CALN1: variants seen among roughly 807,000 people sequenced by gnomAD.
CALN1 encodes the protein calneuron 1, also known as calcium-binding protein 8.
Under a neutral mutation model 30.6 loss-of-function variants are expected in CALN1, and 17 were observed. That is an observed-to-expected ratio of 0.56 (90% confidence interval 0.38 to 0.83). The LOEUF (loss-of-function observed/expected upper bound fraction) is 0.83, where lower values mean the gene tolerates loss of function less well. Ranked by LOEUF, CALN1 falls within the 40% of genes least tolerant of loss-of-function variation. The pLI is 0.00. For synonymous variants in CALN1, 156 were observed against 131.4 expected (o/e 1.19, Z -1.28); for missense variants, 291 against 354.9 (o/e 0.82, Z 1.45).
intron 2 of CALN1, among the ~76,000 whole-genome samples, chr7:72,395,141 T>C (rs1351068303): frequency 6.6e-6 from 1 of 152,194 alleles, no homozygotes; most frequent in Non-Finnish European, 1.5e-5. Context: ...GAAAGGATTA[T>C]TCACCTTTTT....
chr7:71,979,852 TCA>T (rs1798297989), intron 5 of CALN1, among the ~76,000 whole-genome samples: 1 of 146,358 alleles, frequency 6.8e-6, no homozygotes, highest in Non-Finnish European at 1.5e-5. Context: ...GTATAAAATC[TCA>T]GACACATCAG....
At chr7:72,225,888 G>T (rs1793636563) in intron 3 of CALN1, among the ~76,000 whole-genome samples, 1 of 152,050 alleles carries the variant, frequency 6.6e-6, no homozygotes, top group Non-Finnish European at 1.5e-5. Flanking sequence ...ATGAGGTCAA[G>T]AGATCAAAAC....
chr7:72,362,414 C>T (rs961070316), intron 2 of CALN1, among the ~76,000 whole-genome samples: 1 of 152,130 alleles, frequency 6.6e-6, no homozygotes, highest in Non-Finnish European at 1.5e-5. Flanking sequence ...AGTCTCCATC[C>T]TCTCTCTACC....
chr7:72,079,761 C>CTTTTTTTTTTTTTTTTTTTTTTTTTTT (rs3065015), intron 4 of CALN1, among the ~76,000 whole-genome samples: 2 of 104,038 alleles, frequency 1.9e-5, no homozygotes, highest in Non-Finnish European at 3.7e-5. Context: ...TGCCTTTTTC[C>CTTTTTTTTTTTTTTTTTTTTTTTTTTT]TTTTTTTTTT....
chr7:71,829,074 A>G lies in CALN1; in HGVS notation c.502-18582T>C, dbSNP rs138880284. Among the ~76,000 whole-genome samples the G allele has an allele frequency of 4.6e-5, 7 of 152,092 alleles. No homozygotes were observed. In the East Asian group the frequency reaches 5.8e-4, roughly 13 times the overall value. ...ATATTGATTGATATCTCACCTCCCT[A>G]AAGTGTATAAAACCAAGCTGTGCCC... On this transcript the variant is annotated intron_variant, in intron 5 of 6. Coordinates refer to ENST00000395275, the MANE Select transcript of CALN1 (RefSeq NM_031468.4).
At chr7:71,817,094 A>G (rs533019423) in intron 5 of CALN1, among the ~76,000 whole-genome samples, 1 of 152,064 alleles carries the variant, frequency 6.6e-6, no homozygotes, top group Admixed American at 6.6e-5. Flanking sequence ...TATTGTCAAT[A>G]TCTGTCTTTC....
Position 72,268,798 on chromosome 7 carries a change from C to CACACAA in CALN1, c.244+9887_244+9888insTTGTGT, listed in dbSNP as rs543448886. On this transcript the variant is annotated intron_variant, in intron 3 of 6. Coordinates refer to ENST00000395275, the MANE Select transcript of CALN1 (RefSeq NM_031468.4). ...GGCAACAGAGCAAGACCCTGCCACA[C>CACACAA]ACACACACACACACACACACACACA... 4.0e-3 allele frequency among the ~76,000 whole-genome samples: 579 copies of CACACAA among 145,256 alleles called. 1 individual carries two copies. Among genetic ancestry groups the CACACAA allele is most frequent in the African/African-American group, 6.5e-3 (249 of 38,126 alleles).
At chr7:72,267,088 G>T (rs892375304) in intron 3 of CALN1, among the ~76,000 whole-genome samples, 1 of 152,198 alleles carries the variant, frequency 6.6e-6, no homozygotes, top group Non-Finnish European at 1.5e-5. Flanking sequence ...TCAGATAAGA[G>T]TTGTGAGCTT....
intron 3 of CALN1, among the ~76,000 whole-genome samples, chr7:72,210,103 A>G (rs1218354939): frequency 6.6e-6 from 1 of 152,052 alleles, no homozygotes; most frequent in African/African-American, 2.4e-5. Flanking sequence ...TCCTATGAAG[A>G]AGGACAACTG....
At chr7:72,242,881 C>T (rs1310148372) in intron 3 of CALN1, among the ~76,000 whole-genome samples, 1 of 151,988 alleles carries the variant, frequency 6.6e-6, no homozygotes, top group Non-Finnish European at 1.5e-5. Flanking sequence ...GAGCAAGAAT[C>T]CAACTCAAAA....
chr7:72,360,706 C>T (rs561437711), intron 2 of CALN1, among the ~76,000 whole-genome samples: 1 of 148,386 alleles, frequency 6.7e-6, no homozygotes, highest in South Asian at 2.2e-4. Context: ...CAAACCTGCA[C>T]GTTGTGCACG....
intron 2 of CALN1, among the ~76,000 whole-genome samples, chr7:72,349,829 G>A (rs1230739016): frequency 6.6e-6 from 1 of 152,108 alleles, no homozygotes; most frequent in Non-Finnish European, 1.5e-5. Context: ...ATAGATTCTG[G>A]ATATTAGCCC....
chr7:71,979,626 T>G (rs1360098290), intron 5 of CALN1, among the ~76,000 whole-genome samples: 1 of 152,124 alleles, frequency 6.6e-6, no homozygotes, highest in African/African-American at 2.4e-5. Context: ...CTGTGCAGCC[T>G]GCTTCCTAAC....
intron 5 of CALN1, among the ~76,000 whole-genome samples, chr7:72,021,810 T>C (rs563837662): frequency 2.0e-5 from 3 of 152,216 alleles, no homozygotes; most frequent in Non-Finnish European, 4.4e-5. Flanking sequence ...ATTTCAGCTG[T>C]GCATAGACTT....
intron 5 of CALN1, among the ~76,000 whole-genome samples, chr7:71,927,411 T>C (rs1375875064): frequency 6.6e-6 from 1 of 152,168 alleles, no homozygotes; most frequent in Non-Finnish European, 1.5e-5. Flanking sequence ...GGTTTCACCA[T>C]GTTGGCCAGG....
chr7:72,352,689 A>T (rs1358457331), intron 2 of CALN1, among the ~76,000 whole-genome samples: 7 of 152,160 alleles, frequency 4.6e-5, no homozygotes, highest in African/African-American at 1.7e-4. Context: ...CTTTACAAAA[A>T]GATGAAAGGT....
intron 2 of CALN1, among the ~76,000 whole-genome samples, chr7:72,295,454 A>G (rs1798786450): frequency 6.6e-6 from 1 of 152,012 alleles, no homozygotes; most frequent in South Asian, 2.1e-4. Context: ...TGCCTTGGGC[A>G]GTATGGCCAT....
chr7:72,376,896 T>A (rs2129560605), intron 2 of CALN1, among the ~76,000 whole-genome samples: 1 of 152,316 alleles, frequency 6.6e-6, no homozygotes, highest in South Asian at 2.1e-4. Context: ...TTTCTGTATT[T>A]TTGCATGTGG....
rs949615350 is a variant in CALN1 at position 72,071,307 on chromosome 7, G to A, written c.388+34844C>T. ...GAGAGGTGCAGACAAAGAGGCAGGG[G>A]CCACTGTTGCTACACCTCTGCCCAT... On this transcript the variant is annotated intron_variant, in intron 4 of 6. Coordinates refer to ENST00000395275, the MANE Select transcript of CALN1 (RefSeq NM_031468.4). Among the ~76,000 whole-genome samples, 4 of 152,154 alleles carry A rather than the reference G, an allele frequency of 2.6e-5. No individual in the cohort carries two copies. The South Asian group carries it at 8.3e-4, about 32-fold the overall frequency.
Sources: gnomAD v4.1 joint callset for allele counts (sites outside exome capture counted in the v4.1 genomes callset) on GRCh38, gnomAD v4.1.1 for gene constraint, MANE v1.5 for transcripts, NCBI Gene and HGNC (gene_info 2026-07-23, HGNC 2026-07-21) for gene names.